NTRK2: variants seen among roughly 807,000 people sequenced by gnomAD.
NTRK2 encodes the protein neurotrophic receptor tyrosine kinase 2.
Under a neutral mutation model 94.5 loss-of-function variants are expected in NTRK2, and 13 were observed. The ratio of observed to expected loss-of-function variants is 0.14; its 90% CI spans 0.09 to 0.22. The LOEUF (loss-of-function observed/expected upper bound fraction) is 0.22, where lower values mean the gene tolerates loss of function less well. NTRK2 is among the 10% of genes least tolerant of loss of function. NTRK2 has a pLI of 1.00. For synonymous variants in NTRK2, 372 were observed against 407.4 expected, an observed-to-expected ratio of 0.91 and a Z score of 1.05; for missense variants, 639 against 1,071.2, an observed-to-expected ratio of 0.60 and a Z score of 5.63.
chr9:84,758,581 G>A (rs1287040554), intron 12 of NTRK2, among the ~76,000 whole-genome samples: 2 of 152,018 alleles, frequency 1.3e-5, no homozygotes, highest in Non-Finnish European at 2.9e-5. Context: ...ATTAGAGATG[G>A]GGTTTCTCCA....
chr9:85,002,555 T>A (rs1264451480), intron 17 of NTRK2, among the ~76,000 whole-genome samples: 2 of 152,248 alleles, frequency 1.3e-5, no homozygotes, highest in South Asian at 2.1e-4. Flanking sequence ...AGAGAGGTGA[T>A]GAAGTGACCG....
At chr9:84,984,403 C>T (rs750201796) in intron 17 of NTRK2, among the ~76,000 whole-genome samples, 15 of 152,032 alleles carry the variant, frequency 9.9e-5, no homozygotes, top group East Asian at 1.9e-4. Context: ...ACCCGGGAGG[C>T]GGAGGTTGTA....
At position 84,737,850 on chromosome 9, in the gene NTRK2, C is replaced by T. The variant is rs1020453189; in HGVS notation, c.1160-4042C>T. ...GGGGCACTTCAGGCTGTACCGTGGA[C>T]TGGCTACTCACTTTCGGTAATTCTT... is the stretch of plus-strand genomic sequence containing the variant. On this transcript the variant is annotated intron_variant, in intron 9 of 18. Coordinates refer to ENST00000277120, the MANE Select transcript of NTRK2 (RefSeq NM_006180.6). Among the ~76,000 whole-genome samples, 3 of 151,600 alleles carry T rather than the reference C, an allele frequency of 2.0e-5. No individual in the cohort carries two copies. The South Asian group carries it at 6.2e-4, about 31-fold the overall frequency.
intron 16 of NTRK2, 106 bp downstream of exon 16, chr9:84,948,740 C>T (rs748705101): frequency 3.2e-6 from 3 of 943,726 alleles, no homozygotes; most frequent in Non-Finnish European, 4.9e-6. Context: ...TTTCTCGAAG[C>T]ATCTTATTTG....
At chr9:84,678,047 A>T (rs952920371) in intron 2 of NTRK2, among the ~76,000 whole-genome samples, 1 of 152,196 alleles carries the variant, frequency 6.6e-6, no homozygotes, top group Non-Finnish European at 1.5e-5. Flanking sequence ...ACACACACAC[A>T]CATAGACACA....
chr9:84,690,756 G>T (rs2060004202), intron 2 of NTRK2, among the ~76,000 whole-genome samples: 1 of 151,886 alleles, frequency 6.6e-6, no homozygotes, highest in African/African-American at 2.4e-5. Context: ...TTATATGTTA[G>T]ATTGAAGTTT....
intron 8 of NTRK2, among the ~76,000 whole-genome samples, chr9:84,725,332 G>A (rs2062368267): frequency 6.6e-6 from 1 of 152,176 alleles, no homozygotes; most frequent in Non-Finnish European, 1.5e-5. Flanking sequence ...ACTATGCCCA[G>A]TGGGTACTAA....
In NTRK2 at chr9:84,949,539, C is replaced by T. The variant is rs140548811; in HGVS notation, c.1937+905C>T. Reference sequence around the variant, plus strand: ...CTGGAGTGCAGTTATGTGGTCTTGGCTCACTGCAACCTCCGCCTCCCAGGT... The same window carrying T: ...CTGGAGTGCAGTTATGTGGTCTTGGTTCACTGCAACCTCCGCCTCCCAGGT... On this transcript the variant is annotated intron_variant, in intron 16 of 18. Coordinates refer to ENST00000277120, the MANE Select transcript of NTRK2 (RefSeq NM_006180.6). Among the ~76,000 whole-genome samples the T allele has an allele frequency of 5.5e-3, 844 of 152,240 alleles. 12 individuals are homozygous for T. Among genetic ancestry groups the T allele is most frequent in the Admixed American group, 0.016 (240 of 15,294 alleles).
chr9:84,740,855 G>C (rs1429788726), intron 9 of NTRK2, among the ~76,000 whole-genome samples: 1 of 152,194 alleles, frequency 6.6e-6, no homozygotes, highest in Non-Finnish European at 1.5e-5. Flanking sequence ...GGGAATGCAT[G>C]AACAGAAAAT....
At chr9:84,694,870 T>C (rs2060266640) in intron 2 of NTRK2, among the ~76,000 whole-genome samples, 1 of 151,994 alleles carries the variant, frequency 6.6e-6, no homozygotes, top group African/African-American at 2.4e-5. Flanking sequence ...GATTGATAGA[T>C]TAGATTTGAT....
At chr9:84,734,765 A>T (rs940639837) in intron 9 of NTRK2, among the ~76,000 whole-genome samples, 1 of 152,318 alleles carries the variant, frequency 6.6e-6, no homozygotes, top group Admixed American at 6.5e-5. Context: ...CTCCCCAGCC[A>T]TATGGAACTA....
intron 2 of NTRK2, among the ~76,000 whole-genome samples, chr9:84,674,309 T>G (rs1163975832): frequency 6.6e-6 from 1 of 152,198 alleles, no homozygotes; most frequent in Non-Finnish European, 1.5e-5. Flanking sequence ...CAGCCTTATA[T>G]TTTTCCTCTT....
chr9:84,939,067 A>AAAAAAAAAAAG (rs1554772373), intron 15 of NTRK2, among the ~76,000 whole-genome samples: 7 of 144,644 alleles, frequency 4.8e-5, no homozygotes, highest in Admixed American at 7.4e-5. Flanking sequence ...AAAAAAAAAA[A>AAAAAAAAAAAG]AAAAGAAAAG....
chr9:84,793,327 T>C (rs771339707), intron 12 of NTRK2, among the ~76,000 whole-genome samples: 5 of 151,016 alleles, frequency 3.3e-5, no homozygotes, highest in Non-Finnish European at 7.4e-5. Flanking sequence ...AGTAGGAGAG[T>C]GGAGATCAAA....
At chr9:84,750,256 C>T (rs549336204) in intron 11 of NTRK2, among the ~76,000 whole-genome samples, 113 of 152,024 alleles carry the variant, frequency 7.4e-4, no homozygotes, top group Non-Finnish European at 1.4e-3. Flanking sequence ...CCCTGGATGG[C>T]AATATTATTG....
At chr9:84,882,722 G>A (rs916632832) in intron 14 of NTRK2, among the ~76,000 whole-genome samples, 5 of 149,808 alleles carry the variant, frequency 3.3e-5, no homozygotes, top group East Asian at 3.9e-4. Flanking sequence ...GTGTGTGTGC[G>A]CGCGCGCGCG....
chr9:84,855,144 G>A (rs1463197138), intron 12 of NTRK2, among the ~76,000 whole-genome samples: 1 of 152,098 alleles, frequency 6.6e-6, no homozygotes, highest in Non-Finnish European at 1.5e-5. Context: ...TATACTAAAT[G>A]CAAGGAGAAA....
At chr9:84,955,820 A>G (rs1824046312) in intron 17 of NTRK2, among the ~76,000 whole-genome samples, 1 of 152,194 alleles carries the variant, frequency 6.6e-6, no homozygotes, top group Non-Finnish European at 1.5e-5. Flanking sequence ...GACACCAGTC[A>G]GATTGGATTG....
chr9:84,809,477 A>G (rs933556747), intron 12 of NTRK2, among the ~76,000 whole-genome samples: 19 of 149,976 alleles, frequency 1.3e-4, no homozygotes, highest in African/African-American at 4.4e-4. Context: ...AATGTACTGC[A>G]TGTTGTATGC....
Sources: allele counts gnomAD v4.1 joint callset (sites outside exome capture counted in the v4.1 genomes callset), GRCh38; gene constraint gnomAD v4.1.1; transcripts MANE v1.5; gene names NCBI Gene and HGNC (gene_info 2026-07-23, HGNC 2026-07-21).